Variants in KCNH1 observed in about 807,000 individuals in gnomAD.
The protein encoded by KCNH1 is voltage-gated delayed rectifier potassium channel KCNH1.
In KCNH1, 27 loss-of-function variants were observed where a neutral mutation model predicts 69.2. The observed-to-expected ratio is 0.39, with a 90% confidence interval of 0.29 to 0.54. KCNH1 has a LOEUF of 0.54. Ranked by LOEUF, KCNH1 falls within the 20% of genes least tolerant of loss-of-function variation. The pLI, the probability that KCNH1 is intolerant of heterozygous loss-of-function variation, is 0.68. For synonymous variants in KCNH1, 456 were observed against 487.7 expected (o/e 0.93, Z 0.86); for missense variants, 798 against 1,261.6 (o/e 0.63, Z 5.57).
intron 1 of KCNH1, among the ~76,000 whole-genome samples, chr1:211,123,890 T>C (rs974307722): frequency 6.6e-6 from 1 of 151,848 alleles, no homozygotes; most frequent in Non-Finnish European, 1.5e-5. Flanking sequence ...CCCGGAAATA[T>C]GGTGTTACTA....
At chr1:211,003,735 TAA>T (rs1186027500) in intron 6 of KCNH1, among the ~76,000 whole-genome samples, 1 of 152,188 alleles carries the variant, frequency 6.6e-6, no homozygotes, top group African/African-American at 2.4e-5. Context: ...ACAATTAAAC[TAA>T]GAGCTAAATT....
At chr1:210,859,255 C>A (rs534291139) in intron 7 of KCNH1, 407 of 1,611,186 alleles carry the variant, frequency 2.5e-4, no homozygotes, top group Non-Finnish European at 3.4e-4. Context: ...CTCCATGCTT[C>A]TCAATCATTT....
At chr1:211,119,754 AAAAC>A (rs1212935563) in intron 1 of KCNH1, among the ~76,000 whole-genome samples, 3 of 152,244 alleles carry the variant, frequency 2.0e-5, no homozygotes, top group Non-Finnish European at 4.4e-5. Flanking sequence ...ATCTTTGCAG[AAAAC>A]AAACGGAACT....
intron 6 of KCNH1, among the ~76,000 whole-genome samples, chr1:210,948,913 A>G (rs1688013567): frequency 6.6e-6 from 1 of 151,994 alleles, no homozygotes; most frequent in African/African-American, 2.4e-5. Context: ...TATGGATGCT[A>G]AAATTTGAAT....
chr1:210,947,454 A>T (rs1336039498), intron 6 of KCNH1, among the ~76,000 whole-genome samples: 1 of 151,956 alleles, frequency 6.6e-6, no homozygotes, highest in Non-Finnish European at 1.5e-5. Flanking sequence ...GGGCACCTGT[A>T]GTCCCAGCTA....
At chr1:210,754,368 C>T (rs892374557) in intron 10 of KCNH1, among the ~76,000 whole-genome samples, 2 of 152,164 alleles carry the variant, frequency 1.3e-5, no homozygotes, top group South Asian at 4.1e-4. Context: ...CAGCCTTCTT[C>T]TCCCTGGCTG....
chr1:210,714,322 G>C (rs17016761), intron 10 of KCNH1, among the ~76,000 whole-genome samples: 1 of 152,292 alleles, frequency 6.6e-6, no homozygotes, highest in South Asian at 2.1e-4. Context: ...TCAATGTTTC[G>C]AGGTAGACAA....
At position 210,803,917 on chromosome 1, in the gene KCNH1, T is replaced by A. The variant is rs1183313891; in HGVS notation, c.1662+50A>T. The stretch of plus-strand genomic sequence containing the variant: ...TGTCTTAGGCAAGCCTCAACCCTCC[T>A]AGGGAAACCAAAAGACAAATGGTTT... On this transcript the variant is annotated intron_variant, in intron 8 of 10. Coordinates refer to ENST00000271751, the MANE Select transcript of KCNH1 (RefSeq NM_172362.3). 1.9e-6 allele frequency: 3 copies of A among 1,552,136 alleles called. No homozygotes were observed. The African/African-American group carries it at 4.1e-5, about 21-fold the overall frequency.
intron 7 of KCNH1, among the ~76,000 whole-genome samples, chr1:210,847,013 A>G (rs1267282477): frequency 5.9e-5 from 9 of 152,346 alleles, no homozygotes; most frequent in African/African-American, 1.9e-4. Flanking sequence ...AGAAATGCAA[A>G]TCAAAACCAC....
chr1:210,842,008 C>T (rs1263053973), intron 7 of KCNH1, among the ~76,000 whole-genome samples: 3 of 152,082 alleles, frequency 2.0e-5, no homozygotes, highest in African/African-American at 7.2e-5. Flanking sequence ...AAAATTTCCC[C>T]AAATGAATAC....
At chr1:211,099,280 T>C (rs1449369802) in intron 3 of KCNH1, among the ~76,000 whole-genome samples, 7 of 152,166 alleles carry the variant, frequency 4.6e-5, no homozygotes, top group African/African-American at 1.7e-4. Flanking sequence ...AATAGTATAA[T>C]AGTACTTCTC....
intron 1 of KCNH1, 52 bp from the exon 2 acceptor site, chr1:211,107,429 T>C (rs754503679): frequency 1.3e-6 from 2 of 1,555,376 alleles, no homozygotes; most frequent in Non-Finnish European, 8.8e-7. Context: ...AACACATTAG[T>C]TGAGATTCAA....
intron 3 of KCNH1, among the ~76,000 whole-genome samples, chr1:211,099,342 T>C (rs1414611099): frequency 6.6e-6 from 1 of 152,178 alleles, no homozygotes; most frequent in Non-Finnish European, 1.5e-5. Context: ...GCATTCATCA[T>C]GGTAAAAATG....
chr1:211,032,466 C>A (rs1445422460), intron 5 of KCNH1, among the ~76,000 whole-genome samples: 1 of 152,096 alleles, frequency 6.6e-6, no homozygotes, highest in Non-Finnish European at 1.5e-5. Context: ...CAATCCTAAG[C>A]CAAAAGAACA....
chr1:210,832,919 T>TATATATATATAC (rs982373308), intron 7 of KCNH1, among the ~76,000 whole-genome samples: 3 of 131,524 alleles, frequency 2.3e-5, no homozygotes, highest in Non-Finnish European at 3.4e-5. Flanking sequence ...TATATATATA[T>TATATATATATAC]ATACATATAA....
intron 1 of KCNH1, among the ~76,000 whole-genome samples, chr1:211,120,236 A>G (rs1259967113): frequency 1.3e-5 from 2 of 149,376 alleles, no homozygotes; most frequent in Non-Finnish European, 3.0e-5. Flanking sequence ...GTCCCCCAGC[A>G]TGGAGTGCAA....
chr1:210,943,112 G>A (rs1687901878), intron 6 of KCNH1, among the ~76,000 whole-genome samples: 1 of 152,118 alleles, frequency 6.6e-6, no homozygotes, highest in Non-Finnish European at 1.5e-5. Flanking sequence ...CCCATTTTAT[G>A]TGAATGTAGT....
rs1410330503 is a variant in KCNH1 at position 210,856,898 on chromosome 1, T to TATATATAGATATATATATATATATATAA, written c.1463-52733_1463-52732insTTATATATATATATATATATCTATATAT. ...CCCACTATATATATATATATATATA[T>TATATATAGATATATATATATATATATAA]AAAATACTCATGCCTGGTGTTTACT... is the stretch of plus-strand genomic sequence containing the variant. On this transcript the variant is annotated intron_variant, in intron 7 of 10. Coordinates refer to ENST00000271751, the MANE Select transcript of KCNH1 (RefSeq NM_172362.3). 1.6e-5 allele frequency among the ~76,000 whole-genome samples: 2 copies of TATATATAGATATATATATATATATATAA among 121,692 alleles called. 1 individual carries two copies. Among genetic ancestry groups the TATATATAGATATATATATATATATATAA allele is most frequent in the African/African-American group, 5.6e-5 (2 of 35,966 alleles). The allele number at this position is 121,692 out of a possible 152,430, so 79.8% of individuals were successfully genotyped here.
intron 5 of KCNH1, among the ~76,000 whole-genome samples, chr1:211,031,325 C>T (rs1297127156): frequency 6.6e-6 from 1 of 152,166 alleles, no homozygotes; most frequent in African/African-American, 2.4e-5. Flanking sequence ...CAAGGAGGAG[C>T]TGGTACCATT....
Sources: allele counts gnomAD v4.1 joint callset (sites outside exome capture counted in the v4.1 genomes callset), GRCh38; gene constraint gnomAD v4.1.1; transcripts MANE v1.5; gene names NCBI Gene and HGNC (gene_info 2026-07-23, HGNC 2026-07-21).